The following AFF2 variants were observed in gnomAD, a reference collection of about 807,000 sequenced individuals.
The protein encoded by AFF2 is AF4/FMR2 family member 2.
Under a neutral mutation model 76.9 loss-of-function variants are expected in AFF2, and 14 were observed. That is an observed-to-expected ratio of 0.18 (90% confidence interval 0.12 to 0.28). The LOEUF (loss-of-function observed/expected upper bound fraction) is 0.28. Ranked by LOEUF, AFF2 falls within the 10% of genes least tolerant of loss-of-function variation. AFF2 has a pLI of 1.00. For missense variants in AFF2, 868 were observed against 1,001.1 expected, an observed-to-expected ratio of 0.87 and a Z score of 1.79; for synonymous variants, 398 against 366.7, an observed-to-expected ratio of 1.09 and a Z score of -0.98.
intron 3 of AFF2, among the ~76,000 whole-genome samples, chrX:148,774,789 T>C (rs1182051665): frequency 8.9e-6 from 1 of 112,106 alleles, no homozygotes; most frequent in Non-Finnish European, 1.9e-5. Context: ...GGACAGGCTG[T>C]TCTCTGTAAA....
intron 1 of AFF2, among the ~76,000 whole-genome samples, chrX:148,558,722 C>T (rs1187017969): frequency 8.9e-6 from 1 of 112,053 alleles, no homozygotes; most frequent in African/African-American, 3.2e-5. Flanking sequence ...CTTGGAGAGA[C>T]TGGCACCATC....
At chrX:148,967,866 T>C (rs1321839679) in intron 15 of AFF2, among the ~76,000 whole-genome samples, 174 bp downstream of exon 15, 2 of 112,185 alleles carry the variant, frequency 1.8e-5, no homozygotes, top group Non-Finnish European at 3.8e-5. Flanking sequence ...AGTTCTGTAA[T>C]TCCCAAAGTT....
In AFF2 at chrX:148,743,070, C is replaced by T. The variant is rs150722825; in HGVS notation, c.1042-66806C>T. ...TTCTAGCCAGCTCCTTCTGTCTAAACGTTCAGGCTCACTTTCTCTCTCTAA... is the reference window on the plus strand; with the variant it reads ...TTCTAGCCAGCTCCTTCTGTCTAAATGTTCAGGCTCACTTTCTCTCTCTAA... On this transcript the variant is annotated intron_variant, in intron 3 of 20. Transcript: ENST00000370460. 4.0e-3 allele frequency among the ~76,000 whole-genome samples: 443 copies of T among 112,143 alleles called. 2 individuals are homozygous for T. The highest frequency in any genetic ancestry group is 0.013 in the African/African-American group (405 of 30,915).
At chrX:148,819,045 TAGA>T (rs1339777023) in intron 4 of AFF2, among the ~76,000 whole-genome samples, 8 of 111,017 alleles carry the variant, frequency 7.2e-5, no homozygotes, top group African/African-American at 2.6e-4. Context: ...CTGGCACTGT[TAGA>T]AGAATTTCAC....
At chrX:148,641,775 T>A (rs1343099497) in intron 1 of AFF2, among the ~76,000 whole-genome samples, 1 of 111,876 alleles carries the variant, frequency 8.9e-6, no homozygotes, top group Non-Finnish European at 1.9e-5. Context: ...TGTAGAAGTA[T>A]CACTGTGATC....
At chrX:148,985,283 G>GC (rs1557291356) in intron 19 of AFF2, among the ~76,000 whole-genome samples, 4 of 33,499 alleles carry the variant, frequency 1.2e-4, no homozygotes, top group Admixed American at 8.8e-4. Flanking sequence ...CCTGTGCCTG[G>GC]CCTTTTTTTT....
chrX:148,820,597 T>C (rs782174620), intron 4 of AFF2, among the ~76,000 whole-genome samples: 408 of 111,825 alleles, frequency 3.6e-3, no homozygotes, highest in Middle Eastern at 0.014. Flanking sequence ...ACTTAAGTAT[T>C]ATATCTCTAT....
At chrX:148,908,036 A>G (rs2124219550) in intron 9 of AFF2, among the ~76,000 whole-genome samples, 1 of 112,034 alleles carries the variant, frequency 8.9e-6, no homozygotes, top group African/African-American at 3.2e-5. Context: ...AAGAAGAGAA[A>G]TATGGCTCTG....
chrX:148,634,304 T>C (rs1414472181), intron 1 of AFF2, among the ~76,000 whole-genome samples: 1 of 111,757 alleles, frequency 8.9e-6, no homozygotes, highest in Non-Finnish European at 1.9e-5. Flanking sequence ...TGGGTTAATA[T>C]GTTAGATTTT....
intron 16 of AFF2, among the ~76,000 whole-genome samples, chrX:148,975,904 ACTGCACTC>A (rs2072316982): frequency 1.3e-5 from 1 of 76,021 alleles, no homozygotes; most frequent in East Asian, 5.8e-4. Flanking sequence ...AGATCCCGCC[ACTGCACTC>A]CAGCCTGGGC....
At chrX:148,746,236 AACCCTG>A (rs1475532503) in intron 3 of AFF2, among the ~76,000 whole-genome samples, 1 of 112,048 alleles carries the variant, frequency 8.9e-6, no homozygotes, top group Non-Finnish European at 1.9e-5. Context: ...TTAATCTTGA[AACCCTG>A]ACAGGCTTTT....
intron 2 of AFF2, among the ~76,000 whole-genome samples, chrX:148,659,537 G>A (rs1409464859): frequency 8.9e-6 from 1 of 112,534 alleles, no homozygotes; most frequent in Non-Finnish European, 1.9e-5. Context: ...AATGGGAAGT[G>A]AAATGGTGTT....
intron 3 of AFF2, among the ~76,000 whole-genome samples, chrX:148,776,251 A>G (rs1361464393): frequency 4.5e-5 from 5 of 111,849 alleles, no homozygotes; most frequent in African/African-American, 1.6e-4. Context: ...TCTTTATCCA[A>G]TCTAACATTA....
At chrX:148,949,208 AT>A (rs1177700161) in intron 9 of AFF2, among the ~76,000 whole-genome samples, 1 of 111,453 alleles carries the variant, frequency 9.0e-6, no homozygotes, top group Non-Finnish European at 1.9e-5. Flanking sequence ...CTATTCATTA[AT>A]TATGGTGCTA....
intron 7 of AFF2, among the ~76,000 whole-genome samples, chrX:148,850,833 G>T (rs1386694454): frequency 3.6e-5 from 4 of 111,559 alleles, no homozygotes; most frequent in Admixed American, 9.5e-5. Flanking sequence ...GGCAGGGCTG[G>T]GACTAGAAGC....
intron 4 of AFF2, among the ~76,000 whole-genome samples, chrX:148,824,463 T>A (rs1188903841): frequency 2.7e-5 from 3 of 112,026 alleles, no homozygotes; most frequent in African/African-American, 9.7e-5. Context: ...ACATATTAAT[T>A]AGCTTGATTA....
At chrX:148,591,638 A>T (rs967469773) in intron 1 of AFF2, among the ~76,000 whole-genome samples, 4 of 112,164 alleles carry the variant, frequency 3.6e-5, no homozygotes, top group Non-Finnish European at 7.5e-5. Flanking sequence ...CAAGGCATGG[A>T]CTGGATTTAT....
At chrX:148,757,908 A>G (rs782167395) in intron 3 of AFF2, among the ~76,000 whole-genome samples, 1 of 112,607 alleles carries the variant, frequency 8.9e-6, no homozygotes, top group Admixed American at 9.4e-5. Context: ...CGTTCTCATA[A>G]CAACTGTAAT....
intron 3 of AFF2, among the ~76,000 whole-genome samples, chrX:148,714,803 G>T (rs781915552): frequency 3.6e-5 from 4 of 111,575 alleles, no homozygotes; most frequent in Non-Finnish European, 7.5e-5. Flanking sequence ...CCATCATAGT[G>T]CTGGACACAG....
Sources: gnomAD v4.1 joint callset for allele counts (sites outside exome capture counted in the v4.1 genomes callset) on GRCh38, gnomAD v4.1.1 for gene constraint, MANE v1.5 for transcripts, NCBI Gene and HGNC (gene_info 2026-07-23, HGNC 2026-07-21) for gene names.